NUDT6: variants seen among roughly 807,000 people sequenced by gnomAD.
NUDT6 encodes FAD diphosphatase NUDT6.
A neutral mutation model predicts 36.8 loss-of-function variants in NUDT6; 24 were observed. The ratio of observed to expected loss-of-function variants is 0.65; its 90% CI spans 0.47 to 0.92. NUDT6 has a LOEUF of 0.92. NUDT6 is among the 40% of genes least tolerant of loss of function. The pLI is 0.00. For synonymous variants in NUDT6, 163 were observed against 157.0 expected (o/e 1.04, Z -0.29); for missense variants, 388 against 392.8 (o/e 0.99, Z 0.10).
intron 3 of NUDT6, among the ~76,000 whole-genome samples, chr4:122,899,471 C>T (rs1164024011): frequency 6.6e-6 from 1 of 152,084 alleles, no homozygotes; most frequent in African/African-American, 2.4e-5. Flanking sequence ...TTTTAAAATG[C>T]TTACTTCTCC....
intron 3 of NUDT6, among the ~76,000 whole-genome samples, chr4:122,899,889 G>T (rs923979717): frequency 1.3e-5 from 2 of 152,106 alleles, no homozygotes; most frequent in African/African-American, 4.8e-5. Flanking sequence ...ACAGATCACA[G>T]ATATCCAATG....
At chr4:122,920,111 T>C (rs1727941089) in intron 1 of NUDT6, 1 of 152,212 alleles carries the variant, frequency 6.6e-6, no homozygotes, top group Non-Finnish European at 1.5e-5. Context: ...ATAGTTGACT[T>C]CTTATTCCAC....
At chr4:122,897,833 C>A in intron 3 of NUDT6, 155 bp from the exon 4 acceptor site, 1 of 603,304 alleles carries the variant, frequency 1.7e-6, no homozygotes, top group Non-Finnish European at 3.0e-6. Flanking sequence ...TCCTTTCTCC[C>A]TCGTTTCTTC....
chr4:122,897,481 T>A (rs1472186064), intron 4 of NUDT6, 143 bp downstream of exon 4: 1 of 673,858 alleles, frequency 1.5e-6, no homozygotes, highest in Non-Finnish European at 2.7e-6. Flanking sequence ...TTATATCAGC[T>A]CTGAGGTAAT....
chr4:122,903,236 C>G (rs543131531), intron 3 of NUDT6, among the ~76,000 whole-genome samples: 1 of 152,152 alleles, frequency 6.6e-6, no homozygotes, highest in South Asian at 2.1e-4. Context: ...AGTGTCATTC[C>G]TACTTAATCC....
chr4:122,904,852 T>C (rs777510908), intron 3 of NUDT6, among the ~76,000 whole-genome samples: 3 of 152,172 alleles, frequency 2.0e-5, no homozygotes, highest in African/African-American at 4.8e-5. Flanking sequence ...GTAATTAATA[T>C]ACAGCACATA....
chr4:122,892,631 C>T lies in NUDT6; in HGVS notation c.*197G>A, dbSNP rs1727217988. 7.0e-7 allele frequency: 1 copy of T among 1,424,794 alleles called. No homozygotes were observed. Among genetic ancestry groups the T allele is most frequent in the African/African-American group, 1.4e-5 (1 of 69,368 alleles). 88.3% of individuals were successfully genotyped at this position (1,424,794 alleles called of 1,614,324 possible). ...ATCTGCTGTTACCCAGTGAAGCTTA[C>T]CTAGAGCAATGATCTTTTTCACGCA... On this transcript the variant is annotated 3_prime_UTR_variant, in exon 5 of 5. Coordinates refer to ENST00000304430, the MANE Select transcript of NUDT6 (RefSeq NM_007083.5).
At chr4:122,895,386 AAATGG>A (rs1365479845) in intron 4 of NUDT6, 1 of 152,212 alleles carries the variant, frequency 6.6e-6, no homozygotes, top group African/African-American at 2.4e-5. Context: ...GACAATAATG[AAATGG>A]AGTTTATATT....
chr4:122,897,858 C>G (rs45593942), intron 3 of NUDT6, 180 bp from the exon 4 acceptor site: 9,303 of 583,872 alleles, frequency 0.016, 620 homozygotes, highest in African/African-American at 0.15. Flanking sequence ...TTTGGGGGAG[C>G]TGGTAACTGA....
At chr4:122,922,105 G>A in intron 1 of NUDT6, 1 of 409,672 alleles carries the variant, frequency 2.4e-6, no homozygotes, top group Non-Finnish European at 4.3e-6. Context: ...AACCAGGGTT[G>A]CAGATCCCAA....
chr4:122,892,635 G>A lies in NUDT6; in HGVS notation c.*193C>T. 7.0e-7 allele frequency: 1 copy of A among 1,421,648 alleles called. No individual in the cohort carries two copies. Among genetic ancestry groups the A allele is most frequent in the Non-Finnish European group, 9.2e-7 (1 of 1,088,630 alleles). 88.1% of individuals were successfully genotyped at this position (1,421,648 alleles called of 1,614,324 possible). ...GCTGTTACCCAGTGAAGCTTACCTAGAGCAATGATCTTTTTCACGCATTTG... is the reference window on the plus strand; with the variant it reads ...GCTGTTACCCAGTGAAGCTTACCTAAAGCAATGATCTTTTTCACGCATTTG... On this transcript the variant is annotated 3_prime_UTR_variant, in exon 5 of 5. Transcript: ENST00000304430.
chr4:122,921,396 G>C (rs945594250), intron 1 of NUDT6: 1 of 151,940 alleles, frequency 6.6e-6, no homozygotes, highest in Non-Finnish European at 1.5e-5. Flanking sequence ...AGTTGAGCCC[G>C]GGAGACTGAG....
rs376221664 is a variant in NUDT6, at chr4:122,910,408, C to A, written c.498+2160G>T. On this transcript the variant is annotated intron_variant, in intron 3 of 4. Coordinates refer to ENST00000304430, the MANE Select transcript of NUDT6 (RefSeq NM_007083.5). ...AATGCAGTTTTTAACATTAACATAC[C>A]CAAGTTTGTTTTCTATGAATTTCTG... 2.8e-4 allele frequency among the ~76,000 whole-genome samples: 42 copies of A among 152,184 alleles called. No individual in the cohort carries two copies. The South Asian group carries it at 6.6e-3, about 24-fold the overall frequency.
At chr4:122,920,877 A>G (rs1201446136) in intron 1 of NUDT6, 1 of 152,260 alleles carries the variant, frequency 6.6e-6, no homozygotes, top group Non-Finnish European at 1.5e-5. Context: ...GGATGAGTAA[A>G]CATTGAAATA....
chr4:122,904,133 G>C (rs541345504), intron 3 of NUDT6, among the ~76,000 whole-genome samples: 1 of 152,248 alleles, frequency 6.6e-6, no homozygotes, highest in East Asian at 1.9e-4. Context: ...CCCTGAGTAG[G>C]AGTGGGGGAT....
chr4:122,912,626 A>G lies in NUDT6; in HGVS notation c.443-3T>C, dbSNP rs1026259000. The G allele has an allele frequency of 5.2e-6, 8 of 1,538,904 alleles. No homozygotes were observed. Among genetic ancestry groups the G allele is most frequent in the African/African-American group, 2.7e-5 (2 of 73,376 alleles). On this transcript the variant is annotated splice_polypyrimidine_tract_variant and splice_region_variant and intron_variant, in intron 2 of 4. Transcript: ENST00000304430. The stretch of plus-strand genomic sequence containing the variant: ...AGTACTTTCATCAAATACAGCTCCT[A>G]TTAGGGGAAAAAGAAAAGATAATTG...
chr4:122,908,625 G>A lies in NUDT6; in HGVS notation c.498+3943C>T, dbSNP rs564606432. On this transcript the variant is annotated intron_variant, in intron 3 of 4. Transcript: ENST00000304430. ...GTAATTCAATTGCCCACTGGCACACGTTTGCAGGACCTCTTGAGATGCATT... is the reference window on the plus strand; with the variant it reads ...GTAATTCAATTGCCCACTGGCACACATTTGCAGGACCTCTTGAGATGCATT... 2.0e-5 allele frequency among the ~76,000 whole-genome samples: 3 copies of A among 152,282 alleles called. No homozygotes were observed. The East Asian group carries it at 5.8e-4, about 29-fold the overall frequency.
chr4:122,911,109 T>C (rs1284368424), intron 3 of NUDT6, among the ~76,000 whole-genome samples: 3 of 152,200 alleles, frequency 2.0e-5, no homozygotes, highest in Non-Finnish European at 4.4e-5. Context: ...ATCTGCTATA[T>C]TGGAGAGAGT....
At chr4:122,914,742 C>T (rs759783317) in intron 2 of NUDT6, among the ~76,000 whole-genome samples, 25 of 152,132 alleles carry the variant, frequency 1.6e-4, no homozygotes, top group Non-Finnish European at 3.7e-4. Flanking sequence ...AGAAGACTCA[C>T]ATTTCCATCC....
Sources: gnomAD v4.1 joint callset for allele counts (sites outside exome capture counted in the v4.1 genomes callset) on GRCh38, gnomAD v4.1.1 for gene constraint, MANE v1.5 for transcripts, NCBI Gene and HGNC (gene_info 2026-07-23, HGNC 2026-07-21) for gene names.